The following PTPN4 variants were observed in gnomAD, a reference collection of about 807,000 sequenced individuals.
PTPN4 encodes the protein protein tyrosine phosphatase non-receptor type 4.
PTPN4 carries 49 observed loss-of-function variants against 135.5 expected under a neutral mutation model. That is an observed-to-expected ratio of 0.36 (90% confidence interval 0.29 to 0.46). The LOEUF is 0.46. PTPN4 is among the 20% of genes least tolerant of loss of function. The pLI is 1.00. For synonymous variants in PTPN4, 333 were observed against 369.9 expected (o/e 0.90, Z 1.14); for missense variants, 860 against 1,101.0 (o/e 0.78, Z 3.10).
At chr2:119,775,671 T>C (rs145716271) in intron 1 of PTPN4, among the ~76,000 whole-genome samples, 4 of 152,294 alleles carry the variant, frequency 2.6e-5, no homozygotes, top group East Asian at 3.9e-4. Context: ...ATTGTTGTTA[T>C]AGAAAAAGCT....
At chr2:119,787,878 T>C (rs980173898) in intron 1 of PTPN4, among the ~76,000 whole-genome samples, 24 of 152,162 alleles carry the variant, frequency 1.6e-4, no homozygotes, top group African/African-American at 5.5e-4. Context: ...AAGCCCAGTA[T>C]GTGTGGTGAG....
intron 1 of PTPN4, 128 bp from the exon 2 acceptor site, chr2:119,809,709 T>G: frequency 1.3e-6 from 1 of 765,348 alleles, no homozygotes; most frequent in Non-Finnish European, 2.0e-6. Context: ...CTTATTCTGG[T>G]GTTTCAAAAT....
At chr2:119,864,504 C>T (rs1424499297) in intron 3 of PTPN4, among the ~76,000 whole-genome samples, 1 of 151,996 alleles carries the variant, frequency 6.6e-6, no homozygotes, top group Non-Finnish European at 1.5e-5. Context: ...CCTCATAAGT[C>T]AGGCCCTGTA....
At chr2:119,946,972 A>G (rs1208144746) in intron 18 of PTPN4, among the ~76,000 whole-genome samples, 1 of 152,136 alleles carries the variant, frequency 6.6e-6, no homozygotes, top group African/African-American at 2.4e-5. Flanking sequence ...AATGGAAATG[A>G]TACTACAAGG....
intron 1 of PTPN4, among the ~76,000 whole-genome samples, chr2:119,773,536 G>C (rs1250574959): frequency 1.3e-5 from 2 of 152,164 alleles, no homozygotes. Flanking sequence ...AGGAGTTCAA[G>C]ACCAGCCTGA....
intron 2 of PTPN4, among the ~76,000 whole-genome samples, chr2:119,815,628 A>G (rs1031658934): frequency 1.3e-5 from 2 of 152,228 alleles, no homozygotes; most frequent in Admixed American, 6.5e-5. Context: ...ACAATTGTCA[A>G]GTGTTACTTT....
At chr2:119,780,909 G>A (rs1289119229) in intron 1 of PTPN4, among the ~76,000 whole-genome samples, 1 of 151,994 alleles carries the variant, frequency 6.6e-6, no homozygotes, top group Non-Finnish European at 1.5e-5. Context: ...ACTGTAAAAT[G>A]GCATTTTTCT....
At chr2:119,864,176 T>C (rs1319111401) in intron 3 of PTPN4, among the ~76,000 whole-genome samples, 1 of 152,152 alleles carries the variant, frequency 6.6e-6, no homozygotes, top group African/African-American at 2.4e-5. Flanking sequence ...TGGTTAGCGA[T>C]TGGCTATACA....
At chr2:119,884,129 A>T (rs1574386840) in intron 8 of PTPN4, among the ~76,000 whole-genome samples, 1 of 152,186 alleles carries the variant, frequency 6.6e-6, no homozygotes, top group East Asian at 1.9e-4. Context: ...TGATCTCCTG[A>T]CCTCGTGATC....
chr2:119,785,403 T>A (rs1691030004), intron 1 of PTPN4, among the ~76,000 whole-genome samples: 1 of 152,202 alleles, frequency 6.6e-6, no homozygotes, highest in South Asian at 2.1e-4. Flanking sequence ...AATGCTGATA[T>A]AGGTTATCCT....
intron 1 of PTPN4, among the ~76,000 whole-genome samples, chr2:119,780,780 C>G (rs1690923682): frequency 6.6e-6 from 1 of 152,004 alleles, no homozygotes; most frequent in Admixed American, 6.6e-5. Context: ...TATCGTTTCC[C>G]CTTTGTAATT....
At chr2:119,903,477 A>G (rs1043831581) in intron 10 of PTPN4, among the ~76,000 whole-genome samples, 1 of 151,886 alleles carries the variant, frequency 6.6e-6, no homozygotes, top group Non-Finnish European at 1.5e-5. Context: ...GGGCCTGACG[A>G]TAGATGTGCC....
intron 3 of PTPN4, among the ~76,000 whole-genome samples, chr2:119,876,344 C>T (rs905750068): frequency 1.3e-5 from 2 of 152,070 alleles, no homozygotes; most frequent in African/African-American, 4.8e-5. Flanking sequence ...AGAGCTTAGA[C>T]TAGAGAGATA....
chr2:119,853,379 T>C (rs1261053465), intron 2 of PTPN4, among the ~76,000 whole-genome samples: 2 of 152,186 alleles, frequency 1.3e-5, no homozygotes, highest in Non-Finnish European at 2.9e-5. Flanking sequence ...CTTCTTAGAT[T>C]TGTGGCATTT....
chr2:119,860,409 T>C (rs954743), intron 2 of PTPN4, among the ~76,000 whole-genome samples: 99,799 of 152,068 alleles, frequency 0.66, 33,290 homozygotes, highest in East Asian at 0.83. Flanking sequence ...TGGATATGAA[T>C]CTTGGAATTG....
chr2:119,907,689 A>G (rs1325271835), intron 10 of PTPN4, among the ~76,000 whole-genome samples: 2 of 152,134 alleles, frequency 1.3e-5, no homozygotes, highest in Admixed American at 1.3e-4. Context: ...ACAAAGATGG[A>G]AGACATCAAA....
intron 1 of PTPN4, among the ~76,000 whole-genome samples, chr2:119,760,891 A>C (rs1690479412): frequency 6.6e-6 from 1 of 150,662 alleles, no homozygotes; most frequent in African/African-American, 2.4e-5. Flanking sequence ...AAAAAAAAAA[A>C]AGTTGAGATG....
intron 9 of PTPN4, among the ~76,000 whole-genome samples, chr2:119,891,365 C>T (rs1412177412): frequency 6.6e-6 from 1 of 152,094 alleles, no homozygotes; most frequent in South Asian, 2.1e-4. Context: ...CTCTGTTGCC[C>T]AGGTTGGAGT....
At chr2:119,877,990 A>G (rs969667706) in intron 5 of PTPN4, among the ~76,000 whole-genome samples, 7 of 152,182 alleles carry the variant, frequency 4.6e-5, no homozygotes, top group African/African-American at 1.7e-4. Context: ...GCGGGTCAGT[A>G]GGTACCTTTT....
Sources: allele counts gnomAD v4.1 joint callset (sites outside exome capture counted in the v4.1 genomes callset), GRCh38; gene constraint gnomAD v4.1.1; transcripts MANE v1.5; gene names NCBI Gene and HGNC (gene_info 2026-07-23, HGNC 2026-07-21).